The following CTSZ variants were observed in gnomAD, a reference collection of about 807,000 sequenced individuals.
The protein encoded by CTSZ is cathepsin Z.
CTSZ carries 39 observed loss-of-function variants against 32.4 expected under a neutral mutation model. The observed-to-expected ratio is 1.20, with a 90% CI of 0.93 to 1.57. CTSZ has a LOEUF of 1.57. CTSZ is among the 40% of genes most tolerant of loss of function. The pLI, the probability that CTSZ is intolerant of heterozygous loss-of-function variation, is 0.00. For missense variants in CTSZ, 397 were observed against 419.6 expected (o/e 0.95, Z 0.47); for synonymous variants, 168 against 170.1 (o/e 0.99, Z 0.10).
At position 59,001,609 on chromosome 20, in the gene CTSZ, AG is replaced by A. The variant is rs747200978; in HGVS notation, c.342del (p.Ser115ProfsTer88). 4 of 1,614,110 alleles carry A rather than the reference AG, an allele frequency of 2.5e-6. No homozygotes were observed. The highest frequency in any genetic ancestry group is 3.4e-6 in the Non-Finnish European group (4 of 1,179,982). ...ACGTTCTGCACGGACAGGAGGGTGG[AG>A]GGCCACGCTCCCTTCCTCTTGATGT... ...RINIKRKGAW[P>X]STLLSVQNVI... On this transcript the variant is annotated frameshift_variant, in exon 3 of 6. Coordinates refer to ENST00000217131, the MANE Select transcript of CTSZ (RefSeq NM_001336.4). LOFTEE classifies it high-confidence loss of function.
rs748865550 is a variant in CTSZ, at chr20:59,001,594, C to T, written c.358G>A (p.Val120Met). The part of the protein sequence containing the change: ...KGAWPSTLLS[V>M]QNVIDCGNAG... The stretch of plus-strand genomic sequence containing the variant: ...TTACCGCAGTCGATGACGTTCTGCA[C>T]GGACAGGAGGGTGGAGGGCCACGCT... The change falls in exon 3 of 6, where the codon GTG becomes ATG. Residue 120 changes from valine to methionine, a missense_variant. Physicochemically the swap from Val to Met is conservative, Grantham distance 21. Transcript: ENST00000217131. 1.4e-5 allele frequency: 23 copies of T among 1,614,068 alleles called. No homozygotes were observed. Among genetic ancestry groups the T allele is most frequent in the African/African-American group, 8.0e-5 (6 of 74,940 alleles).
chr20:59,001,608 G>C lies in CTSZ; in HGVS notation c.344C>G (p.Ser115Cys). The C allele has an allele frequency of 6.2e-7, 1 of 1,614,170 alleles. No individual in the cohort carries two copies. The highest frequency in any genetic ancestry group is 8.5e-7 in the Non-Finnish European group (1 of 1,179,998). ...INIKRKGAWPSTLLSVQNVID... is the reference protein window; with the variant it reads ...INIKRKGAWPCTLLSVQNVID... ...GACGTTCTGCACGGACAGGAGGGTG[G>C]AGGGCCACGCTCCCTTCCTCTTGAT... Residue 115 changes from serine (S) to cysteine (C), a missense_variant, in exon 3 of 6, where the codon TCC becomes TGC. Coordinates refer to ENST00000217131, the MANE Select transcript of CTSZ (RefSeq NM_001336.4).
chr20:58,995,702 T>C lies in CTSZ; in HGVS notation c.859A>G (p.Arg287Gly), dbSNP rs1238117133. The C allele has an allele frequency of 1.2e-6, 2 of 1,614,208 alleles. No homozygotes were observed. Among genetic ancestry groups the C allele is most frequent in the Non-Finnish European group, 1.7e-6 (2 of 1,180,028 alleles). Residue 287 changes from arginine (R) to glycine (G), a missense_variant, in exon 6 of 6, where the codon AGA becomes GGA. Transcript: ENST00000217131. Reference sequence around the variant, plus strand: ...TGCTCCTCGATGGCAAGGTTGTATCTGGCGCCCTTCCCATCCTTATAGGTG... The same window carrying C: ...TGCTCCTCGATGGCAAGGTTGTATCCGGCGCCCTTCCCATCCTTATAGGTG... ...TSTYKDGKGA[R>G]YNLAIEEHCT... is the part of the protein sequence containing the mutation.
chr20:59,006,497 T>C lies in CTSZ; in HGVS notation c.144-12A>G. 6.2e-7 allele frequency: 1 copy of C among 1,607,210 alleles called. No individual in the cohort carries two copies. Among genetic ancestry groups the C allele is most frequent in the Non-Finnish European group, 8.5e-7 (1 of 1,177,716 alleles). On this transcript the variant is annotated splice_polypyrimidine_tract_variant and intron_variant, in intron 1 of 5. Transcript: ENST00000217131. Reference sequence around the variant, plus strand: ...GCCGGGGGTATGTGCTGAGAAGAGATCATCCCCACCCAGATCGGTGCTGGG... The same window carrying C: ...GCCGGGGGTATGTGCTGAGAAGAGACCATCCCCACCCAGATCGGTGCTGGG...
At chr20:59,006,111 T>A in intron 2 of CTSZ, 1 of 603,270 alleles carries the variant, frequency 1.7e-6, no homozygotes, top group Non-Finnish European at 2.9e-6. Context: ...TCAGTCCTAG[T>A]CCTGCCTGTC....
chr20:58,995,524 C>T lies in CTSZ; in HGVS notation c.*125G>A, dbSNP rs1358137286. On this transcript the variant is annotated 3_prime_UTR_variant, in exon 6 of 6. Coordinates refer to ENST00000217131, the MANE Select transcript of CTSZ (RefSeq NM_001336.4). The stretch of plus-strand genomic sequence containing the variant: ...CACTCGCAGCCAGTGCCACGCTGTC[C>T]TCGCCATCCAATATTGATAGCCACC... 2.5e-6 allele frequency: 2 copies of T among 793,090 alleles called. No homozygotes were observed. The highest frequency in any genetic ancestry group is 4.2e-6 in the Non-Finnish European group (2 of 476,384). 49.1% of individuals were successfully genotyped at this position (793,090 alleles called of 1,614,324 possible).
chr20:58,997,136 T>C (rs914095803), intron 4 of CTSZ, among the ~76,000 whole-genome samples: 25 of 128,658 alleles, frequency 1.9e-4, no homozygotes, highest in Middle Eastern at 5.0e-3. Flanking sequence ...CACTCCAGCC[T>C]GGGTGACAGA....
intron 3 of CTSZ, among the ~76,000 whole-genome samples, chr20:59,001,119 G>A (rs163791): frequency 0.8 from 121,188 of 151,742 alleles, 48,543 homozygotes; most frequent in East Asian, 0.87. Context: ...ATGAGCCACC[G>A]CGCGCATGGC....
intron 2 of CTSZ, among the ~76,000 whole-genome samples, chr20:59,003,360 G>A (rs58686623): frequency 1.3e-5 from 2 of 152,158 alleles, no homozygotes; most frequent in South Asian, 2.1e-4. Flanking sequence ...CTTCTCCCAC[G>A]GCCAAACTCA....
rs1197714148 is a variant in CTSZ, at chr20:59,002,986, A to G, written c.308-1342T>C. On this transcript the variant is annotated intron_variant, in intron 2 of 5. Coordinates refer to ENST00000217131, the MANE Select transcript of CTSZ (RefSeq NM_001336.4). This position sits in a 1 kb window ranked among gnomAD's most constrained non-coding sequence, Gnocchi z 4.1. Reference sequence around the variant, plus strand: ...CTATCACGGTTTTCTGCTTCACTCAATGGTTTGAGACAGTGCCCCGACCCC... The same window carrying G: ...CTATCACGGTTTTCTGCTTCACTCAGTGGTTTGAGACAGTGCCCCGACCCC... Among the ~76,000 whole-genome samples, 1 of 151,864 alleles carries G rather than the reference A, an allele frequency of 6.6e-6. No individual in the cohort carries two copies. The highest frequency in any genetic ancestry group is 6.6e-5 in the Admixed American group (1 of 15,258).
intron 2 of CTSZ, among the ~76,000 whole-genome samples, chr20:59,005,624 A>C (rs901362335): frequency 3.3e-5 from 5 of 152,218 alleles, no homozygotes; most frequent in Non-Finnish European, 5.9e-5. Flanking sequence ...CTCCCAGGCC[A>C]CGCAAGTCCC....
In CTSZ at chr20:59,006,198, C is replaced by T. The variant is rs1330989636; in HGVS notation, c.307+124G>A. On this transcript the variant is annotated intron_variant, in intron 2 of 5. Coordinates refer to ENST00000217131, the MANE Select transcript of CTSZ (RefSeq NM_001336.4). The stretch of plus-strand genomic sequence containing the variant: ...GGCCCGCGCTCCTCGGCCTTAGCAC[C>T]CCAGCCCAGGCTGACCTGGCCTTGA... 5 of 1,324,676 alleles carry T rather than the reference C, an allele frequency of 3.8e-6. No homozygotes were observed. The African/African-American group carries it at 5.9e-5, about 16-fold the overall frequency. 82.1% of individuals were successfully genotyped at this position (1,324,676 alleles called of 1,614,324 possible). A position where few individuals can be genotyped will look rare whatever the true frequency, so the allele number is the denominator to read the frequency against.
In CTSZ at chr20:59,000,825, G is replaced by A. The variant is rs549645530; in HGVS notation, c.487+640C>T. On this transcript the variant is annotated intron_variant, in intron 3 of 5. Coordinates refer to ENST00000217131, the MANE Select transcript of CTSZ (RefSeq NM_001336.4). ...AGGCTGGAGACATGGGGACAGGGCC[G>A]GTATTTTTTTTTTTTTTTTTTTGAG... is the stretch of plus-strand genomic sequence containing the variant. Among the ~76,000 whole-genome samples, 677 of 145,752 alleles carry A rather than the reference G, an allele frequency of 4.6e-3. 3 individuals carry two copies. Among genetic ancestry groups the A allele is most frequent in the Admixed American group, 5.9e-3 (82 of 13,940 alleles).
At position 59,002,761 on chromosome 20, in the gene CTSZ, G is replaced by C. The variant is rs987722422; in HGVS notation, c.308-1117C>G. On this transcript the variant is annotated intron_variant, in intron 2 of 5. Coordinates refer to ENST00000217131, the MANE Select transcript of CTSZ (RefSeq NM_001336.4). This position sits in a 1 kb window ranked among gnomAD's most constrained non-coding sequence, Gnocchi z 4.1. ...CTCTGCACCCCAAACCCTCTTCCTG[G>C]AGCAGCCGGTGGCTGGTTTGTCCCC... 5.3e-5 allele frequency among the ~76,000 whole-genome samples: 8 copies of C among 152,038 alleles called. No homozygotes were observed. The highest frequency in any genetic ancestry group is 8.8e-5 in the Non-Finnish European group (6 of 68,002).
At chr20:59,006,725 T>G (rs1018785783) in intron 1 of CTSZ, among the ~76,000 whole-genome samples, 2 of 152,174 alleles carry the variant, frequency 1.3e-5, no homozygotes, top group East Asian at 3.9e-4. Flanking sequence ...CCCCCAGCCA[T>G]GCCGCGCCGT....
chr20:59,004,383 G>A lies in CTSZ; in HGVS notation c.307+1939C>T, dbSNP rs1221132838. ...TGGAGGCGGGCAGTATGGTGCAGGA[G>A]AAGGAAGCATCCTGGGGAGACGTGA... On this transcript the variant is annotated intron_variant, in intron 2 of 5. Coordinates refer to ENST00000217131, the MANE Select transcript of CTSZ (RefSeq NM_001336.4). This position sits in a 1 kb window ranked among gnomAD's most constrained non-coding sequence, Gnocchi z 5.6. Among the ~76,000 whole-genome samples the A allele has an allele frequency of 2.6e-5, 4 of 152,088 alleles. No individual in the cohort carries two copies. The highest frequency in any genetic ancestry group is 5.9e-5 in the Non-Finnish European group (4 of 67,994).
chr20:58,995,429 A>G lies in CTSZ; in HGVS notation c.*220T>C, dbSNP rs1291961024. 4 of 466,186 alleles carry G rather than the reference A, an allele frequency of 8.6e-6. No homozygotes were observed. Among genetic ancestry groups the G allele is most frequent in the Non-Finnish European group, 1.5e-5 (4 of 263,754 alleles). The allele number at this position is 466,186 out of a possible 1,614,324, so 28.9% of individuals were successfully genotyped here. On this transcript the variant is annotated 3_prime_UTR_variant, in exon 6 of 6. Transcript: ENST00000217131. ...AGGTCACTTCTTCACCAGGTGGCTG[A>G]CTGCATCATTGTGAGGCAGAGCCAT...
intron 2 of CTSZ, among the ~76,000 whole-genome samples, chr20:59,005,090 A>ACT (rs2091903953): frequency 6.6e-6 from 1 of 151,014 alleles, no homozygotes; most frequent in Non-Finnish European, 1.5e-5. Flanking sequence ...CTTCCCCTAG[A>ACT]CTCTGCCCAG....
chr20:59,006,293 T>C lies in CTSZ; in HGVS notation c.307+29A>G, dbSNP rs141636434. 89 of 1,569,334 alleles carry C rather than the reference T, an allele frequency of 5.7e-5. No homozygotes were observed. The East Asian group carries it at 1.7e-3, about 30-fold the overall frequency. On this transcript the variant is annotated intron_variant, in intron 2 of 5. Transcript: ENST00000217131. Reference sequence around the variant, plus strand: ...AACAGGCAGCCGGGATGGGCTTTCCTGGCCCACAGTCAAAGGGCGGCCACT... The same window carrying C: ...AACAGGCAGCCGGGATGGGCTTTCCCGGCCCACAGTCAAAGGGCGGCCACT...
Sources: gnomAD v4.1 joint callset for allele counts (sites outside exome capture counted in the v4.1 genomes callset) on GRCh38, gnomAD v4.1.1 for gene constraint, Gnocchi (gnomAD v3.1) non-coding constraint, MANE v1.5 for transcripts, NCBI Gene and HGNC (gene_info 2026-07-23, HGNC 2026-07-21) for gene names.